The following DENND5A variants were observed in gnomAD, a reference collection of about 807,000 sequenced individuals.
The protein encoded by DENND5A is DENN domain containing 5A, also known as DENN domain-containing protein 5A.
DENND5A carries 64 observed loss-of-function variants against 140.3 expected under a neutral mutation model. That is an observed-to-expected ratio of 0.46 (90% CI 0.37 to 0.56). The LOEUF is 0.56. Among genes scored for constraint, DENND5A ranks in the 20% least tolerant of loss-of-function variants. The probability of loss-of-function intolerance (pLI) is 0.00; values close to 1 mark genes in which losing one functional copy is unlikely to be tolerated. For synonymous variants in DENND5A, 605 were observed against 607.7 expected (o/e 1.00, Z 0.07); for missense variants, 1,292 against 1,593.8 (o/e 0.81, Z 3.22).
At chr11:9,206,590 C>T in intron 3 of DENND5A, 83 bp downstream of exon 3, 1 of 959,352 alleles carries the variant, frequency 1.0e-6, no homozygotes, top group Non-Finnish European at 1.7e-6. Flanking sequence ...TTGGTGGCAC[C>T]ACTGCTACCA....
At chr11:9,214,698 C>T (rs866261857) in intron 1 of DENND5A, among the ~76,000 whole-genome samples, 1 of 152,156 alleles carries the variant, frequency 6.6e-6, no homozygotes, top group Non-Finnish European at 1.5e-5. Flanking sequence ...CCACTGCCCC[C>T]CAACCCCCAC....
At chr11:9,217,235 C>T (rs1850127369) in intron 1 of DENND5A, among the ~76,000 whole-genome samples, 1 of 152,106 alleles carries the variant, frequency 6.6e-6, no homozygotes, top group Non-Finnish European at 1.5e-5. Flanking sequence ...AATGTCCTGG[C>T]CAGGCGCGAT....
At chr11:9,181,118 A>C in intron 5 of DENND5A, 34 bp from the exon 6 acceptor site, 5 of 1,576,402 alleles carry the variant, frequency 3.2e-6, no homozygotes, top group Non-Finnish European at 4.3e-6. Flanking sequence ...AGTATGAATA[A>C]CTCCAGAGCA....
At chr11:9,163,353 C>T (rs113816826) in intron 11 of DENND5A, among the ~76,000 whole-genome samples, 422 of 152,260 alleles carry the variant, frequency 2.8e-3, no homozygotes, top group Admixed American at 6.8e-3. Flanking sequence ...CAAGCCAATA[C>T]TTTGTGATGT....
At chr11:9,152,036 A>C (rs1419392967) in intron 13 of DENND5A, among the ~76,000 whole-genome samples, 2 of 152,228 alleles carry the variant, frequency 1.3e-5, no homozygotes, top group Non-Finnish European at 2.9e-5. Context: ...GAAATAAAAC[A>C]AAAGACTCTG....
In DENND5A at chr11:9,179,051, C is replaced by T; in HGVS notation, c.1478G>A (p.Ser493Asn). 1 of 1,614,108 alleles carries T rather than the reference C, an allele frequency of 6.2e-7. No homozygotes were observed. The highest frequency in any genetic ancestry group is 1.1e-5 in the South Asian group (1 of 91,082). ...LEKLEVREDP[S>N]SNKDLKVQCD... ...CTGAACTTTGAGATCCTTATTGCTGCTGGGGTCTTCACGCACTTCCAACTA... is the reference window on the plus strand; with the variant it reads ...CTGAACTTTGAGATCCTTATTGCTGTTGGGGTCTTCACGCACTTCCAACTA... The change falls in exon 7 of 23, where the codon AGC (serine) becomes AAC (asparagine). Residue 493 changes from serine to asparagine, a missense_variant. Ser to Asn is a conservative substitution (Grantham distance 46, BLOSUM62 1). Coordinates refer to ENST00000328194, the MANE Select transcript of DENND5A (RefSeq NM_015213.4).
intron 18 of DENND5A, 70 bp downstream of exon 18, chr11:9,144,925 T>C: frequency 1.8e-6 from 2 of 1,132,914 alleles, no homozygotes; most frequent in South Asian, 1.3e-5. Flanking sequence ...GAACTCCACA[T>C]ACCCAAGCAT....
rs1849740307 is a variant in DENND5A, at chr11:9,207,722, C to T, written c.110-90G>A. 11 of 940,302 alleles carry T rather than the reference C, an allele frequency of 1.2e-5. No individual in the cohort carries two copies. In the South Asian group the frequency reaches 1.6e-4, roughly 14 times the overall value. 58.2% of individuals were successfully genotyped at this position (940,302 alleles called of 1,614,324 possible). A position where few individuals can be genotyped will look rare whatever the true frequency, so the allele number is the denominator to read the frequency against. On this transcript the variant is annotated intron_variant, in intron 1 of 22. Coordinates refer to ENST00000328194, the MANE Select transcript of DENND5A (RefSeq NM_015213.4). ...TTATTCCAGTACAAATTACATTTTA[C>T]ATTATGAAACAATAAACACATACAT...
At position 9,165,819 on chromosome 11, in the gene DENND5A, A is replaced by C. The variant is rs370829457; in HGVS notation, c.2283+17T>G. 413 of 1,613,648 alleles carry C rather than the reference A, an allele frequency of 2.6e-4. No individual in the cohort carries two copies. The highest frequency in any genetic ancestry group is 2.0e-3 in the Middle Eastern group (12 of 6,054). ...GCTAACAGAAATAGCACACATACAG[A>C]GATGTCCACAGCTTACCTTATTGCG... On this transcript the variant is annotated intron_variant, in intron 11 of 22. Coordinates refer to ENST00000328194, the MANE Select transcript of DENND5A (RefSeq NM_015213.4).
chr11:9,172,506 A>G (rs1389781346), intron 8 of DENND5A, among the ~76,000 whole-genome samples: 2 of 152,202 alleles, frequency 1.3e-5, no homozygotes, highest in African/African-American at 4.8e-5. Flanking sequence ...GGAGGGACCC[A>G]GTGGGAGGTA....
chr11:9,140,266 T>A, intron 22 of DENND5A: 1 of 1,234,744 alleles, frequency 8.1e-7, no homozygotes, highest in Non-Finnish European at 1.1e-6. Flanking sequence ...ATGAGGTAGG[T>A]ACTATTATTA....
intron 1 of DENND5A, among the ~76,000 whole-genome samples, chr11:9,244,661 G>A (rs1398076927): frequency 6.6e-6 from 1 of 151,884 alleles, no homozygotes; most frequent in Non-Finnish European, 1.5e-5. Flanking sequence ...TAGCCACCAC[G>A]CTCAGCCTAT....
chr11:9,208,615 T>C (rs557358502), intron 1 of DENND5A, among the ~76,000 whole-genome samples: 1 of 152,330 alleles, frequency 6.6e-6, no homozygotes, highest in East Asian at 1.9e-4. Flanking sequence ...CTCTCCTCTA[T>C]TTTCTCTGAG....
chr11:9,143,561 G>T, intron 19 of DENND5A, 76 bp from the exon 20 acceptor site: 1 of 1,242,456 alleles, frequency 8.0e-7, no homozygotes. Context: ...AGGAGACTGA[G>T]GACACGGGGA....
intron 1 of DENND5A, among the ~76,000 whole-genome samples, chr11:9,262,712 G>A (rs1470023349): frequency 6.7e-6 from 1 of 150,234 alleles, no homozygotes; most frequent in Non-Finnish European, 1.5e-5. Context: ...AGATAAACTT[G>A]AACAATTATT....
intron 11 of DENND5A, among the ~76,000 whole-genome samples, chr11:9,161,585 C>G (rs1847985949): frequency 6.6e-6 from 1 of 152,056 alleles, no homozygotes; most frequent in African/African-American, 2.4e-5. Context: ...GTCAAGGGGA[C>G]AAAAATTGAG....
chr11:9,222,353 CA>C (rs1331899910), intron 1 of DENND5A, among the ~76,000 whole-genome samples: 3 of 151,764 alleles, frequency 2.0e-5, no homozygotes, highest in African/African-American at 4.8e-5. Context: ...AAAATTTGAC[CA>C]AAAAAATCCT....
At chr11:9,164,194 ATTTTTTTTTTTTTTTTTTTTTTTTT>A (rs779522112) in intron 11 of DENND5A, among the ~76,000 whole-genome samples, 2 of 79,060 alleles carry the variant, frequency 2.5e-5, no homozygotes, top group Non-Finnish European at 4.7e-5. Context: ...ACCACGCCTA[ATTTTTTTTTTTTTTTTTTTTTTTTT>A]TTTTTTTTTT....
intron 1 of DENND5A, among the ~76,000 whole-genome samples, chr11:9,236,938 A>G (rs1239412660): frequency 6.6e-6 from 1 of 152,186 alleles, no homozygotes; most frequent in African/African-American, 2.4e-5. Flanking sequence ...ACAGAAATAT[A>G]TTTAGAACAC....
Sources: gnomAD v4.1 joint callset for allele counts (sites outside exome capture counted in the v4.1 genomes callset) on GRCh38, gnomAD v4.1.1 for gene constraint, MANE v1.5 for transcripts, NCBI Gene and HGNC (gene_info 2026-07-23, HGNC 2026-07-21) for gene names.